Variants in ZFPM2 observed in about 807,000 individuals in gnomAD.
ZFPM2 encodes the protein zinc finger protein, FOG family member 2, also known as zinc finger protein ZFPM2.
In ZFPM2, 20 loss-of-function variants were observed where a neutral mutation model predicts 98.6. That is an observed-to-expected ratio of 0.20 (90% CI 0.14 to 0.29). The LOEUF is 0.29. Ranked by LOEUF, ZFPM2 falls within the 10% of genes least tolerant of loss-of-function variation. The pLI is 1.00. For missense variants in ZFPM2, 1,310 were observed against 1,388.6 expected, an observed-to-expected ratio of 0.94 and a Z score of 0.90; for synonymous variants, 518 against 502.7, an observed-to-expected ratio of 1.03 and a Z score of -0.41.
At chr8:105,452,565 T>C (rs1812505967) in intron 3 of ZFPM2, among the ~76,000 whole-genome samples, 1 of 151,862 alleles carries the variant, frequency 6.6e-6, no homozygotes, top group African/African-American at 2.4e-5. Flanking sequence ...CTGGGCAATA[T>C]TGTGTAACCC....
At chr8:105,406,455 C>G (rs543717900) in intron 1 of ZFPM2, among the ~76,000 whole-genome samples, 1 of 151,972 alleles carries the variant, frequency 6.6e-6, no homozygotes, top group African/African-American at 2.4e-5. Flanking sequence ...AAAATTAATT[C>G]AAGATGGATT....
At chr8:105,370,789 A>C (rs1300417651) in intron 1 of ZFPM2, among the ~76,000 whole-genome samples, 1 of 152,236 alleles carries the variant, frequency 6.6e-6, no homozygotes, top group Non-Finnish European at 1.5e-5. Flanking sequence ...GAGGAAAACA[A>C]GGCAGAGAAA....
At chr8:105,436,009 A>G (rs898484154) in intron 2 of ZFPM2, among the ~76,000 whole-genome samples, 4 of 152,226 alleles carry the variant, frequency 2.6e-5, no homozygotes, top group African/African-American at 9.6e-5. Flanking sequence ...TTAAATAGAA[A>G]GAATGTGCTG....
At position 105,520,583 on chromosome 8, in the gene ZFPM2, CT is replaced by C. The variant is rs558558052; in HGVS notation, c.302-40779del. Among the ~76,000 whole-genome samples, 808 of 152,116 alleles carry C rather than the reference CT, an allele frequency of 5.3e-3. 4 individuals carry two copies. The highest frequency in any genetic ancestry group is 8.7e-3 in the Non-Finnish European group (592 of 68,006). ...GTATAGATGACATAATCCTTTTCCTCTGGCAGCATTAATCTAGTTGGGTAGA... is the reference window on the plus strand; with the variant it reads ...GTATAGATGACATAATCCTTTTCCTCGGCAGCATTAATCTAGTTGGGTAGA... On this transcript the variant is annotated intron_variant, in intron 3 of 7. Transcript: ENST00000407775.
intron 1 of ZFPM2, among the ~76,000 whole-genome samples, chr8:105,396,126 T>C (rs1811213737): frequency 6.6e-6 from 1 of 152,204 alleles, no homozygotes; most frequent in Admixed American, 6.5e-5. Flanking sequence ...TGCTCACCCA[T>C]ATCTCTCAGA....
At chr8:105,603,095 C>T (rs1348158411) in intron 4 of ZFPM2, among the ~76,000 whole-genome samples, 1 of 152,054 alleles carries the variant, frequency 6.6e-6, no homozygotes, top group Non-Finnish European at 1.5e-5. Flanking sequence ...GGCATTGTCT[C>T]TCCATATGGC....
At chr8:105,707,506 A>G (rs1385682102) in intron 5 of ZFPM2, among the ~76,000 whole-genome samples, 2 of 152,100 alleles carry the variant, frequency 1.3e-5, no homozygotes, top group Non-Finnish European at 2.9e-5. Flanking sequence ...CACAACTTTC[A>G]CCTACAAGCT....
chr8:105,424,026 A>G (rs1811856761), intron 2 of ZFPM2, among the ~76,000 whole-genome samples: 1 of 152,146 alleles, frequency 6.6e-6, no homozygotes, highest in South Asian at 2.1e-4. Context: ...TGAGGGATAA[A>G]AGACTACACA....
intron 1 of ZFPM2, among the ~76,000 whole-genome samples, chr8:105,328,283 T>C (rs1812151951): frequency 6.6e-6 from 1 of 151,872 alleles, no homozygotes; most frequent in African/African-American, 2.4e-5. Flanking sequence ...GGAATGCTTA[T>C]ATTCATCATG....
chr8:105,769,295 T>C (rs1225852113), intron 5 of ZFPM2, among the ~76,000 whole-genome samples: 2 of 152,024 alleles, frequency 1.3e-5, no homozygotes, highest in East Asian at 1.9e-4. Context: ...CTCAAGCTAC[T>C]CAAGATAAAA....
intron 3 of ZFPM2, among the ~76,000 whole-genome samples, chr8:105,504,671 A>C (rs1421809631): frequency 6.6e-6 from 1 of 152,176 alleles, no homozygotes; most frequent in African/African-American, 2.4e-5. Context: ...CTTCTTGAGG[A>C]TCAATGTGTA....
intron 5 of ZFPM2, among the ~76,000 whole-genome samples, chr8:105,713,185 TC>T (rs982546963): frequency 2.0e-5 from 3 of 152,038 alleles, no homozygotes; most frequent in African/African-American, 7.2e-5. Context: ...CTTCATAGTC[TC>T]CCCGGCATGT....
At chr8:105,670,488 T>C (rs12545763) in intron 5 of ZFPM2, among the ~76,000 whole-genome samples, 1,327 of 98,350 alleles carry the variant, frequency 0.013, 61 homozygotes, top group Admixed American at 0.13. Context: ...AGAGCGAGAG[T>C]CCATCTCAAA....
chr8:105,568,898 C>T (rs1246936409), intron 4 of ZFPM2, among the ~76,000 whole-genome samples: 1 of 152,102 alleles, frequency 6.6e-6, no homozygotes, highest in East Asian at 1.9e-4. Context: ...TTCTGAACTA[C>T]ATGCAGTGCC....
At chr8:105,365,215 G>T (rs1176879278) in intron 1 of ZFPM2, among the ~76,000 whole-genome samples, 1 of 152,132 alleles carries the variant, frequency 6.6e-6, no homozygotes, top group Non-Finnish European at 1.5e-5. Flanking sequence ...TCCACTGATA[G>T]GTGAGTGGAA....
chr8:105,377,695 G>A (rs981407253), intron 1 of ZFPM2, among the ~76,000 whole-genome samples: 1 of 150,582 alleles, frequency 6.6e-6, no homozygotes, highest in Non-Finnish European at 1.5e-5. Flanking sequence ...CATGAGGATC[G>A]CTTGAACCCA....
chr8:105,631,582 A>G (rs1816756335), intron 4 of ZFPM2, among the ~76,000 whole-genome samples: 3 of 152,090 alleles, frequency 2.0e-5, no homozygotes, highest in Admixed American at 1.3e-4. Context: ...ACTGCAAAGG[A>G]TGGGAGTTTT....
At chr8:105,682,179 G>A (rs1375349634) in intron 5 of ZFPM2, among the ~76,000 whole-genome samples, 9 of 152,122 alleles carry the variant, frequency 5.9e-5, no homozygotes, top group Non-Finnish European at 1.2e-4. Context: ...TTGCCACTCT[G>A]TAATAAGTAT....
At chr8:105,709,321 G>C (rs1312205820) in intron 5 of ZFPM2, among the ~76,000 whole-genome samples, 1 of 152,114 alleles carries the variant, frequency 6.6e-6, no homozygotes, top group Non-Finnish European at 1.5e-5. Context: ...TTTTTGTCCA[G>C]TTTTATTATA....
Sources: allele counts gnomAD v4.1 joint callset (sites outside exome capture counted in the v4.1 genomes callset), GRCh38; gene constraint gnomAD v4.1.1; transcripts MANE v1.5; gene names NCBI Gene and HGNC (gene_info 2026-07-23, HGNC 2026-07-21).